The following COMT variants were observed in gnomAD, a reference collection of about 807,000 sequenced individuals.
COMT encodes catechol-O-methyltransferase, also known as catechol O-methyltransferase.
In COMT, 13 loss-of-function variants were observed where a neutral mutation model predicts 18.9. The observed-to-expected ratio is 0.69, with a 90% confidence interval of 0.45 to 1.09. COMT has a LOEUF of 1.09. Ranked by LOEUF, COMT falls within the 50% of genes least tolerant of loss-of-function variation. The pLI, the probability that COMT is intolerant of heterozygous loss-of-function variation, is 0.00. For missense variants in COMT, 329 were observed against 361.8 expected (o/e 0.91, Z 0.73); for synonymous variants, 150 against 160.9 (o/e 0.93, Z 0.51).
At chr22:19,945,168 C>T (rs1941816171) in intron 1 of COMT, among the ~76,000 whole-genome samples, 1 of 152,190 alleles carries the variant, frequency 6.6e-6, no homozygotes, top group Non-Finnish European at 1.5e-5. Flanking sequence ...CCAGACTTCA[C>T]CTGCAGTGTC....
chr22:19,952,824 G>A (rs1383379708), intron 1 of COMT, among the ~76,000 whole-genome samples: 2 of 150,570 alleles, frequency 1.3e-5, no homozygotes, highest in African/African-American at 2.5e-5. Context: ...GGTGGTGTGA[G>A]CCTATAATCC....
chr22:19,968,616 C>CGT lies in COMT; in HGVS notation c.698_699dup (p.Arg234CysfsTer56), dbSNP rs893987628. 1.2e-6 allele frequency: 2 copies of CGT among 1,613,962 alleles called. No individual in the cohort carries two copies. The highest frequency in any genetic ancestry group is 1.7e-6 in the Non-Finnish European group (2 of 1,180,004). Reference sequence around the variant, plus strand: ...CAGGTGCGCCAGACTTCCTAGCACACGTGCGCGGGAGCAGCTGCTTTGAGT... The same window carrying CGT: ...CAGGTGCGCCAGACTTCCTAGCACACGTGTGCGCGGGAGCAGCTGCTTTGAGT... On this transcript the variant is annotated frameshift_variant, in exon 6 of 6. Coordinates refer to ENST00000361682, the MANE Select transcript of COMT (RefSeq NM_000754.4). LOFTEE classifies it low-confidence loss of function (END_TRUNC).
chr22:19,955,680 C>G (rs1942042136), intron 1 of COMT, among the ~76,000 whole-genome samples: 1 of 152,242 alleles, frequency 6.6e-6, no homozygotes, highest in Admixed American at 6.5e-5. Flanking sequence ...GCTTGTCTCC[C>G]CGACTGGGCC....
chr22:19,962,676 C>T lies in COMT; in HGVS notation c.150C>T (p.Leu50=). The change falls in exon 3 of 6, where the codon CTC becomes CTT. Residue 50 remains leucine (L), a synonymous_variant. Coordinates refer to ENST00000361682, the MANE Select transcript of COMT (RefSeq NM_000754.4). ...EFILQPIHNL[L]MGDTKEQRIL... ...TCCTGCAGCCCATCCACAACCTGCT[C>T]ATGGGTGACACCAAGGAGCAGCGCA... 6.2e-7 allele frequency: 1 copy of T among 1,613,338 alleles called. No homozygotes were observed.
intron 5 of COMT, chr22:19,967,457 G>C: frequency 2.2e-6 from 1 of 462,620 alleles, no homozygotes; most frequent in South Asian, 1.6e-5. Flanking sequence ...CTCAACTCCG[G>C]ACCTTGGGGC....
intron 1 of COMT, chr22:19,950,805 CA>C (rs1296155947): frequency 2.0e-5 from 3 of 152,158 alleles, no homozygotes; most frequent in African/African-American, 4.8e-5. Context: ...ACTGATGTTC[CA>C]AATTATCCTT....
In COMT at chr22:19,941,810, G is replaced by A; in HGVS notation, c.-179G>A. The A allele has an allele frequency of 1.3e-6, 2 of 1,530,230 alleles. No homozygotes were observed. The highest frequency in any genetic ancestry group is 1.7e-6 in the Non-Finnish European group (2 of 1,149,462). 94.8% of individuals were successfully genotyped at this position (1,530,230 alleles called of 1,614,324 possible). A position where few individuals can be genotyped will look rare whatever the true frequency, so the allele number is the denominator to read the frequency against. On this transcript the variant is annotated 5_prime_UTR_variant, in exon 1 of 6. Transcript: ENST00000361682. Reference sequence around the variant, plus strand: ...CCACCGCCATTGCCGCCATCGTCGTGGGGCTTCTGGGGCAGCTAGGGCTGC... The same window carrying A: ...CCACCGCCATTGCCGCCATCGTCGTAGGGCTTCTGGGGCAGCTAGGGCTGC...
chr22:19,968,518 C>T lies in COMT; in HGVS notation c.616-18C>T. The T allele has an allele frequency of 6.2e-7, 1 of 1,611,830 alleles. No homozygotes were observed. Among genetic ancestry groups the T allele is most frequent in the Non-Finnish European group, 8.5e-7 (1 of 1,179,102 alleles). ...CACCTCTGACCCTCACCTCCCCCAC[C>T]CCCCGGTCTGTTTGCAGGAATGTGG... On this transcript the variant is annotated intron_variant, in intron 5 of 5. Transcript: ENST00000361682.
Position 19,964,228 on chromosome 22 carries a change from G to A in COMT, c.544G>A (p.Val182Met). The change falls in exon 5 of 6, where the codon GTG (valine) becomes ATG (methionine). Residue 182 changes from valine (V) to methionine (M), a missense_variant. Transcript: ENST00000361682. ...CCCCCAGCTGAAGAAGAAGTATGAT[G>A]TGGACACACTGGACATGGTCTTCCT... The part of the protein sequence containing the change: ...IIPQLKKKYD[V>M]DTLDMVFLDH... The A allele has an allele frequency of 6.2e-7, 1 of 1,614,154 alleles. No individual in the cohort carries two copies. Among genetic ancestry groups the A allele is most frequent in the South Asian group, 1.1e-5 (1 of 91,092 alleles).
intron 1 of COMT, among the ~76,000 whole-genome samples, chr22:19,949,900 T>C (rs1191215332): frequency 6.6e-6 from 1 of 152,222 alleles, no homozygotes; most frequent in Admixed American, 6.6e-5. Context: ...ACAATGTTTT[T>C]AAGTGCCAAG....
At chr22:19,951,823 G>A (rs951053943) in intron 1 of COMT, among the ~76,000 whole-genome samples, 1 of 152,204 alleles carries the variant, frequency 6.6e-6, no homozygotes, top group Non-Finnish European at 1.5e-5. Context: ...GTTAGCCTTG[G>A]GAAACCAATC....
chr22:19,943,287 T>C (rs45616631), intron 1 of COMT, among the ~76,000 whole-genome samples: 6,296 of 152,266 alleles, frequency 0.041, 141 homozygotes, highest in South Asian at 0.1. Flanking sequence ...AGCGGGACCA[T>C]CTGTTGAGAC....
intron 1 of COMT, among the ~76,000 whole-genome samples, chr22:19,947,579 C>T (rs1303853034): frequency 6.6e-6 from 1 of 152,130 alleles, no homozygotes; most frequent in Non-Finnish European, 1.5e-5. Flanking sequence ...CAGCTTATGT[C>T]ATTATTTCTG....
chr22:19,948,188 G>T (rs1435325077), intron 1 of COMT, among the ~76,000 whole-genome samples: 1 of 151,864 alleles, frequency 6.6e-6, no homozygotes, highest in African/African-American at 2.4e-5. Flanking sequence ...TATTATACTG[G>T]AACAGCTCGT....
At chr22:19,954,182 T>C (rs1942009968) in intron 1 of COMT, among the ~76,000 whole-genome samples, 2 of 144,668 alleles carry the variant, frequency 1.4e-5, no homozygotes, top group Admixed American at 1.4e-4. Context: ...GTGCAGTCCG[T>C]GTGAAAGCCT....
At chr22:19,959,468 G>A (rs1262948558) in intron 1 of COMT, among the ~76,000 whole-genome samples, 3 of 152,240 alleles carry the variant, frequency 2.0e-5, no homozygotes, top group Non-Finnish European at 4.4e-5. Flanking sequence ...CCAGTGGGCG[G>A]GGCCTCCCCT....
intron 5 of COMT, 103 bp from the exon 6 acceptor site, chr22:19,968,433 A>G: frequency 8.9e-7 from 1 of 1,129,254 alleles, no homozygotes. Flanking sequence ...GGCTAGGCAC[A>G]GGCGTGGTGC....
At chr22:19,968,495 C>T in intron 5 of COMT, 41 bp from the exon 6 acceptor site, 2 of 1,593,460 alleles carry the variant, frequency 1.3e-6, no homozygotes, top group East Asian at 2.3e-5. Flanking sequence ...TCTCTGGGCA[C>T]CTCTGACCCT....
At chr22:19,963,455 C>T in intron 3 of COMT, 111 bp from the exon 4 acceptor site, 1 of 1,287,538 alleles carries the variant, frequency 7.8e-7, no homozygotes, top group Non-Finnish European at 1.1e-6. Context: ...AGCGGCCAGG[C>T]ATTTGGGAGG....
Sources: allele counts gnomAD v4.1 joint callset (sites outside exome capture counted in the v4.1 genomes callset), GRCh38; gene constraint gnomAD v4.1.1; transcripts MANE v1.5; gene names NCBI Gene and HGNC (gene_info 2026-07-23, HGNC 2026-07-21).